Variants in SLC17A5 observed in about 807,000 individuals in gnomAD.
SLC17A5 encodes sialin.
In SLC17A5, 47 loss-of-function variants were observed where a neutral mutation model predicts 59.4. The observed-to-expected ratio is 0.79, with a 90% CI of 0.63 to 1.01. The LOEUF (loss-of-function observed/expected upper bound fraction) is 1.01. SLC17A5 is among the 50% of genes least tolerant of loss of function. The probability of loss-of-function intolerance (pLI) is 0.00; values close to 1 mark genes in which losing one functional copy is unlikely to be tolerated. For missense variants in SLC17A5, 522 were observed against 595.5 expected, an observed-to-expected ratio of 0.88 and a Z score of 1.28; for synonymous variants, 202 against 210.7, an observed-to-expected ratio of 0.96 and a Z score of 0.36.
chr6:73,635,292 A>G, intron 6 of SLC17A5, 90 bp downstream of exon 6: 1 of 763,484 alleles, frequency 1.3e-6, no homozygotes, highest in Non-Finnish European at 2.3e-6. Flanking sequence ...GAGCATGCAC[A>G]ATAGGAATAT....
chr6:73,630,805 G>A (rs1050288919), intron 6 of SLC17A5, among the ~76,000 whole-genome samples: 3 of 152,234 alleles, frequency 2.0e-5, no homozygotes, highest in Non-Finnish European at 2.9e-5. Flanking sequence ...CAAGCACTTC[G>A]GGAGATGAAG....
intron 9 of SLC17A5, among the ~76,000 whole-genome samples, chr6:73,603,338 C>T (rs1767238930): frequency 6.6e-6 from 1 of 152,046 alleles, no homozygotes; most frequent in South Asian, 2.1e-4. Context: ...CCTGCCTCAG[C>T]CTCCCAAATT....
chr6:73,599,140 C>T (rs1319245457), intron 10 of SLC17A5, among the ~76,000 whole-genome samples: 4 of 152,132 alleles, frequency 2.6e-5, no homozygotes, highest in Non-Finnish European at 5.9e-5. Flanking sequence ...TGAGACTGCA[C>T]CACTGTACTC....
In SLC17A5 at chr6:73,594,977, TA is replaced by T; in HGVS notation, c.*99del. 4 of 1,311,200 alleles carry T rather than the reference TA, an allele frequency of 3.1e-6. No homozygotes were observed. Among genetic ancestry groups the T allele is most frequent in the African/African-American group, 2.9e-5 (2 of 68,360 alleles). 81.2% of individuals were successfully genotyped at this position (1,311,200 alleles called of 1,614,324 possible). On this transcript the variant is annotated 3_prime_UTR_variant, in exon 11 of 11. Coordinates refer to ENST00000355773, the MANE Select transcript of SLC17A5 (RefSeq NM_012434.5). Reference sequence around the variant, plus strand: ...CTTAAAAATCTAATACAAGTACAATTAAAAAAAGACATAGAATGCTTACACA... The same window carrying T: ...CTTAAAAATCTAATACAAGTACAATTAAAAAAGACATAGAATGCTTACACA...
At chr6:73,650,955 C>T (rs1769831246) in intron 1 of SLC17A5, among the ~76,000 whole-genome samples, 3 of 152,088 alleles carry the variant, frequency 2.0e-5, no homozygotes, top group African/African-American at 7.2e-5. Flanking sequence ...GACAGACAGA[C>T]TCATAATCCT....
chr6:73,623,182 G>C (rs1240086868), intron 6 of SLC17A5, among the ~76,000 whole-genome samples: 1 of 151,784 alleles, frequency 6.6e-6, no homozygotes, highest in Non-Finnish European at 1.5e-5. Context: ...GGGACTATGG[G>C]CATGCACCAC....
intron 6 of SLC17A5, among the ~76,000 whole-genome samples, chr6:73,623,287 C>T (rs1286936929): frequency 6.6e-6 from 1 of 152,090 alleles, no homozygotes; most frequent in Non-Finnish European, 1.5e-5. Flanking sequence ...GATCCACCTG[C>T]CTTGGCCTCC....
At chr6:73,597,572 C>T (rs368855041) in intron 10 of SLC17A5, among the ~76,000 whole-genome samples, 7 of 152,072 alleles carry the variant, frequency 4.6e-5, no homozygotes, top group South Asian at 2.1e-4. Flanking sequence ...CTACCTTGAG[C>T]CCTGGAGTTT....
At chr6:73,646,227 G>A (rs1284577637) in intron 1 of SLC17A5, among the ~76,000 whole-genome samples, 1 of 152,238 alleles carries the variant, frequency 6.6e-6, no homozygotes, top group Admixed American at 6.5e-5. Flanking sequence ...TAGCATCAAA[G>A]GAGAGAATAT....
rs12199937 is a variant in SLC17A5 at position 73,615,480 on chromosome 6, C to T, written c.979-33G>A. 109,066 of 1,610,252 alleles carry T rather than the reference C, an allele frequency of 0.068. 5,259 individuals carry two copies. The highest frequency in any genetic ancestry group is 0.25 in the Admixed American group (14,870 of 59,786). On this transcript the variant is annotated intron_variant, in intron 7 of 10. Transcript: ENST00000355773. ...GAATAAGAAGATACAGGATTAATTACGGTGAGAGAAAAAAACAAAACATAC... is the reference window on the plus strand; with the variant it reads ...GAATAAGAAGATACAGGATTAATTATGGTGAGAGAAAAAAACAAAACATAC...
At position 73,643,069 on chromosome 6, in the gene SLC17A5, T is replaced by G. The variant is rs537328379; in HGVS notation, c.292-1145A>C. 4.6e-5 allele frequency among the ~76,000 whole-genome samples: 7 copies of G among 152,272 alleles called. No individual in the cohort carries two copies. The South Asian group carries it at 1.5e-3, about 32-fold the overall frequency. ...CTCTTTCCTGCTTGAATGCTCTGCT[T>G]GTGAATGATAGAGGAGATTCATCTA... On this transcript the variant is annotated intron_variant, in intron 2 of 10. Transcript: ENST00000355773.
rs189335437 is a variant in SLC17A5 at position 73,619,791 on chromosome 6, G to A, written c.978+2013C>T. On this transcript the variant is annotated intron_variant, in intron 7 of 10. Coordinates refer to ENST00000355773, the MANE Select transcript of SLC17A5 (RefSeq NM_012434.5). ...AGTACACAACATTAATTACTGGCCA[G>A]CTATTGATATTTTATTTCTTCCATA... Among the ~76,000 whole-genome samples, 5 of 152,086 alleles carry A rather than the reference G, an allele frequency of 3.3e-5. No individual in the cohort carries two copies. The East Asian group carries it at 9.6e-4, about 29-fold the overall frequency.
chr6:73,620,552 A>G (rs185856466), intron 7 of SLC17A5, among the ~76,000 whole-genome samples: 22 of 152,306 alleles, frequency 1.4e-4, no homozygotes, highest in African/African-American at 4.8e-4. Flanking sequence ...AGAAGTAGAC[A>G]GAGGAGTTCT....
At chr6:73,622,491 G>A (rs935321089) in intron 6 of SLC17A5, among the ~76,000 whole-genome samples, 1 of 151,964 alleles carries the variant, frequency 6.6e-6, no homozygotes, top group Non-Finnish European at 1.5e-5. Flanking sequence ...TAGTAGAAAC[G>A]GGGTTTCACC....
Position 73,615,314 on chromosome 6 carries a change from C to A in SLC17A5, c.1111+1G>T, listed in dbSNP as rs777862172. 1.2e-5 allele frequency: 19 copies of A among 1,613,830 alleles called. No individual in the cohort carries two copies. The highest frequency in any genetic ancestry group is 1.6e-5 in the Non-Finnish European group (19 of 1,179,980). On this transcript the variant is annotated splice_donor_variant, in intron 8 of 10. Coordinates refer to ENST00000355773, the MANE Select transcript of SLC17A5 (RefSeq NM_012434.5). LOFTEE classifies it high-confidence loss of function. ...AAACAAAACCTGATTGCTTCACTTA[C>A]CTATAAGGCTAAAAATTCTGCGAAC... is the stretch of plus-strand genomic sequence containing the variant.
At chr6:73,644,271 A>G in intron 2 of SLC17A5, 136 bp downstream of exon 2, 5 of 706,620 alleles carry the variant, frequency 7.1e-6, no homozygotes, top group Non-Finnish European at 1.2e-5. Flanking sequence ...GTTCCTGGGA[A>G]AACACAAAAA....
chr6:73,606,531 A>G (rs1442004701), intron 9 of SLC17A5, among the ~76,000 whole-genome samples: 1 of 152,096 alleles, frequency 6.6e-6, no homozygotes, highest in Non-Finnish European at 1.5e-5. Flanking sequence ...GGCTTATAAG[A>G]CTCATAAAAT....
rs370957878 is a variant in SLC17A5, at chr6:73,602,255, A to G, written c.1260-1814T>C. ...CTTGAAGGCAGCATGCTCGTTAAGAATCATCACCACTCCCTAATCTCAAGT... is the reference window on the plus strand; with the variant it reads ...CTTGAAGGCAGCATGCTCGTTAAGAGTCATCACCACTCCCTAATCTCAAGT... On this transcript the variant is annotated intron_variant, in intron 9 of 10. Coordinates refer to ENST00000355773, the MANE Select transcript of SLC17A5 (RefSeq NM_012434.5). Among the ~76,000 whole-genome samples the G allele has an allele frequency of 3.8e-3, 564 of 148,384 alleles. 2 individuals carry two copies. Among genetic ancestry groups the G allele is most frequent in the African/African-American group, 0.012 (469 of 39,612 alleles).
intron 7 of SLC17A5, 105 bp downstream of exon 7, chr6:73,621,699 G>GT: frequency 1.1e-6 from 1 of 943,124 alleles, no homozygotes; most frequent in Non-Finnish European, 1.6e-6. Flanking sequence ...GGACAGCAGA[G>GT]TAAAATGGAA....
Sources: gnomAD v4.1 joint callset for allele counts (sites outside exome capture counted in the v4.1 genomes callset) on GRCh38, gnomAD v4.1.1 for gene constraint, MANE v1.5 for transcripts, NCBI Gene and HGNC (gene_info 2026-07-23, HGNC 2026-07-21) for gene names.